FECH: variants seen among roughly 807,000 people sequenced by gnomAD.
FECH encodes the protein ferrochelatase, mitochondrial.
FECH carries 40 observed loss-of-function variants against 56.9 expected under a neutral mutation model. The observed-to-expected ratio is 0.70, with a 90% confidence interval of 0.55 to 0.92. FECH has a LOEUF of 0.92. Among genes scored for constraint, FECH ranks in the 40% least tolerant of loss-of-function variants. The pLI, the probability that FECH is intolerant of heterozygous loss-of-function variation, is 0.00. For missense variants in FECH, 431 were observed against 529.1 expected, an observed-to-expected ratio of 0.81 and a Z score of 1.82; for synonymous variants, 175 against 198.6, an observed-to-expected ratio of 0.88 and a Z score of 1.00.
At chr18:57,565,537 T>C (rs117936809) in intron 5 of FECH, among the ~76,000 whole-genome samples, 13,255 of 147,126 alleles carry the variant, frequency 0.09, 1,070 homozygotes, top group East Asian at 0.34. Context: ...ACCCGGGAGA[T>C]GGAGGTTGCA....
rs1445090226 is a variant in FECH at position 57,573,191 on chromosome 18, GAC to G, written c.314+53_314+54del. 47 of 1,554,084 alleles carry G rather than the reference GAC, an allele frequency of 3.0e-5. No individual in the cohort carries two copies. The Admixed American group carries it at 7.8e-4, about 26-fold the overall frequency. On this transcript the variant is annotated intron_variant, in intron 3 of 10. Transcript: ENST00000262093. ...CTGGTTTGAAACTACAGAATTGAGA[GAC>G]ACATGTCAATGTAGTGCCAAGGTTA...
chr18:57,570,031 TCGTGTG>T (rs1308821504), intron 4 of FECH, among the ~76,000 whole-genome samples: 4 of 79,050 alleles, frequency 5.1e-5, no homozygotes, highest in East Asian at 5.6e-4. Context: ...GTTGTTGTTG[TCGTGTG>T]TGTGTGTGTG....
At position 57,547,530 on chromosome 18, in the gene FECH, T is replaced by A. The variant is rs1003168111; in HGVS notation, c.*3182A>T. ...CTCACTGCCATGTAAGACATCTGCT[T>A]CCCCTTCTGCCATGATTGTCAATTT... On this transcript the variant is annotated 3_prime_UTR_variant, in exon 11 of 11. Coordinates refer to ENST00000262093, the MANE Select transcript of FECH (RefSeq NM_000140.5). Among the ~76,000 whole-genome samples the A allele has an allele frequency of 2.6e-5, 4 of 152,138 alleles. No individual in the cohort carries two copies. The highest frequency in any genetic ancestry group is 9.7e-5 in the African/African-American group (4 of 41,438).
chr18:57,572,622 TGTGCGC>T (rs2051130780), intron 3 of FECH, among the ~76,000 whole-genome samples: 1 of 142,262 alleles, frequency 7.0e-6, no homozygotes, highest in Admixed American at 7.4e-5. Flanking sequence ...TATGTATGTA[TGTGCGC>T]GTGTGTGTGT....
Position 57,546,345 on chromosome 18 carries a change from G to A in FECH, c.*4367C>T, listed in dbSNP as rs146417207. 1.2e-3 allele frequency among the ~76,000 whole-genome samples: 179 copies of A among 152,270 alleles called. 1 individual carries two copies. Among genetic ancestry groups the A allele is most frequent in the South Asian group, 3.5e-3 (17 of 4,822 alleles). Reference sequence around the variant, plus strand: ...TCGTTGGGCAAGGTGGTCCTTTGCCGCATCGACAGGAGCTCATACGGCAGA... The same window carrying A: ...TCGTTGGGCAAGGTGGTCCTTTGCCACATCGACAGGAGCTCATACGGCAGA... On this transcript the variant is annotated 3_prime_UTR_variant, in exon 11 of 11. Coordinates refer to ENST00000262093, the MANE Select transcript of FECH (RefSeq NM_000140.5).
intron 2 of FECH, among the ~76,000 whole-genome samples, chr18:57,578,455 G>A (rs1401604587): frequency 4.6e-5 from 7 of 152,092 alleles, no homozygotes; most frequent in Non-Finnish European, 1.0e-4. Flanking sequence ...CAGAACTGCT[G>A]GAAGCCAAGA....
At chr18:57,563,091 T>A in intron 5 of FECH, 111 bp from the exon 6 acceptor site, 1 of 796,208 alleles carries the variant, frequency 1.3e-6, no homozygotes, top group Non-Finnish European at 2.1e-6. Flanking sequence ...GCTTCTTTAC[T>A]GAATCAGTCT....
intron 9 of FECH, 62 bp downstream of exon 9, chr18:57,554,198 T>G: frequency 1.3e-6 from 2 of 1,571,132 alleles, no homozygotes; most frequent in Admixed American, 3.3e-5. Context: ...ATTAGTTAGT[T>G]GCAGAAAAAA....
chr18:57,564,344 G>C (rs189807997), intron 5 of FECH, among the ~76,000 whole-genome samples: 1 of 152,302 alleles, frequency 6.6e-6, no homozygotes, highest in African/African-American at 2.4e-5. Flanking sequence ...AAAGCCTAAA[G>C]GAAGGCAGAT....
rs1445138430 is a variant in FECH, at chr18:57,586,569, G to A, written c.52C>T (p.Leu18=). The change falls in exon 1 of 11, where the codon CTG becomes TTG. Residue 18 remains leucine, a synonymous_variant. Coordinates refer to ENST00000262093, the MANE Select transcript of FECH (RefSeq NM_000140.5). ...MAAALRAAGV[L]LRDPLASSSW... ...ACCCACTTACGCGGATCGCGGAGCAGGACGCCCGCGGCGCGCAGGGCCGCA... is the reference window on the plus strand; with the variant it reads ...ACCCACTTACGCGGATCGCGGAGCAAGACGCCCGCGGCGCGCAGGGCCGCA... 3 of 1,522,428 alleles carry A rather than the reference G, an allele frequency of 2.0e-6. No homozygotes were observed. The highest frequency in any genetic ancestry group is 1.4e-5 in the African/African-American group (1 of 70,330). 94.3% of individuals were successfully genotyped at this position (1,522,428 alleles called of 1,614,324 possible).
At chr18:57,562,757 C>T in intron 6 of FECH, 117 bp downstream of exon 6, 1 of 761,576 alleles carries the variant, frequency 1.3e-6, no homozygotes, top group Non-Finnish European at 2.4e-6. Context: ...ATCCCAAACA[C>T]ACAATTTAAG....
At chr18:57,575,132 C>T (rs534148703) in intron 2 of FECH, among the ~76,000 whole-genome samples, 2 of 152,262 alleles carry the variant, frequency 1.3e-5, no homozygotes, top group East Asian at 1.9e-4. Context: ...TCTGGTTTTA[C>T]TCAGCATAAA....
rs77695117 is a variant in FECH, at chr18:57,554,225, G to A, written c.1077+35C>T. 3.8e-3 allele frequency: 6,152 copies of A among 1,613,400 alleles called. 218 individuals are homozygous for A. In the East Asian group the frequency reaches 0.088, roughly 23 times the overall value. ...CAGAAAAAATTTCCTTTTAAAACAA[G>A]TCATGATGGGAAAAAGGCAGATGGG... On this transcript the variant is annotated intron_variant, in intron 9 of 10. Transcript: ENST00000262093.
chr18:57,585,469 A>T (rs192663717), intron 1 of FECH, among the ~76,000 whole-genome samples: 1 of 152,250 alleles, frequency 6.6e-6, no homozygotes, highest in Admixed American at 6.5e-5. Flanking sequence ...AGAAAAGATT[A>T]GTTCAATACT....
intron 1 of FECH, among the ~76,000 whole-genome samples, chr18:57,585,624 G>A (rs1224022910): frequency 6.6e-6 from 1 of 152,084 alleles, no homozygotes; most frequent in African/African-American, 2.4e-5. Context: ...AGATATGGAG[G>A]TTCAGAGGGG....
intron 5 of FECH, among the ~76,000 whole-genome samples, chr18:57,564,333 C>G (rs1296120249): frequency 6.6e-6 from 1 of 152,146 alleles, no homozygotes; most frequent in Non-Finnish European, 1.5e-5. Flanking sequence ...CATGAAAACT[C>G]AAAGCCTAAA....
At chr18:57,562,113 G>C (rs755479699) in intron 6 of FECH, among the ~76,000 whole-genome samples, 26 of 152,234 alleles carry the variant, frequency 1.7e-4, no homozygotes, top group Middle Eastern at 3.4e-3. Context: ...AACGTTCAAG[G>C]AGTGAAAAAT....
chr18:57,578,956 C>G (rs1367139245), intron 2 of FECH, among the ~76,000 whole-genome samples: 1 of 141,374 alleles, frequency 7.1e-6, no homozygotes, highest in Non-Finnish European at 1.5e-5. Context: ...AAGACTCCCT[C>G]TCAAAAAAAA....
At chr18:57,582,911 CAA>C (rs1219189568) in intron 1 of FECH, among the ~76,000 whole-genome samples, 6 of 133,372 alleles carry the variant, frequency 4.5e-5, no homozygotes, top group Non-Finnish European at 3.2e-5. Flanking sequence ...GACTCCATCT[CAA>C]AAAAAAAAAA....
Sources: allele counts gnomAD v4.1 joint callset (sites outside exome capture counted in the v4.1 genomes callset), GRCh38; gene constraint gnomAD v4.1.1; transcripts MANE v1.5; gene names NCBI Gene and HGNC (gene_info 2026-07-23, HGNC 2026-07-21).